ULK4: variants seen among roughly 807,000 people sequenced by gnomAD.
ULK4 encodes the protein inactive serine/threonine-protein kinase ULK4.
In ULK4, 133 loss-of-function variants were observed where a neutral mutation model predicts 160.6. The observed-to-expected ratio is 0.83, with a 90% CI of 0.72 to 0.96. The LOEUF (loss-of-function observed/expected upper bound fraction) is 0.96. ULK4 is among the 40% of genes least tolerant of loss of function. ULK4 has a pLI of 0.00. For synonymous variants in ULK4, 534 were observed against 539.8 expected, an observed-to-expected ratio of 0.99 and a Z score of 0.15; for missense variants, 1,580 against 1,499.5, an observed-to-expected ratio of 1.05 and a Z score of -0.89.
chr3:41,621,226 G>A (rs1227829090), intron 30 of ULK4, among the ~76,000 whole-genome samples: 1 of 152,060 alleles, frequency 6.6e-6, no homozygotes, highest in East Asian at 1.9e-4. Flanking sequence ...TTCCTATCAA[G>A]CTACCATTGA....
chr3:41,454,539 CAA>C (rs11286615), intron 34 of ULK4, among the ~76,000 whole-genome samples: 75 of 90,926 alleles, frequency 8.2e-4, no homozygotes, highest in African/African-American at 1.5e-3. Context: ...GACTTCATCT[CAA>C]AAAAAAAAAA....
chr3:41,486,630 T>C (rs927854316), intron 32 of ULK4, among the ~76,000 whole-genome samples: 1 of 151,940 alleles, frequency 6.6e-6, no homozygotes, highest in Non-Finnish European at 1.5e-5. Flanking sequence ...TTGGGGAGCA[T>C]TTTTTTTATT....
intron 32 of ULK4, among the ~76,000 whole-genome samples, chr3:41,542,167 T>C (rs1421318628): frequency 6.6e-6 from 1 of 152,198 alleles, no homozygotes; most frequent in Non-Finnish European, 1.5e-5. Context: ...CATAAACAGC[T>C]GTTATTATTT....
In ULK4 at chr3:41,644,936, C is replaced by T. The variant is rs543865245; in HGVS notation, c.3071+18671G>A. 2.2e-3 allele frequency among the ~76,000 whole-genome samples: 340 copies of T among 151,804 alleles called. 1 individual carries two copies. The highest frequency in any genetic ancestry group is 9.6e-3 in the South Asian group (46 of 4,780). On this transcript the variant is annotated intron_variant, in intron 30 of 36. Coordinates refer to ENST00000301831, the MANE Select transcript of ULK4 (RefSeq NM_017886.4). ...TTTAGTCTTGGGAGGGTGTATGTGT[C>T]GAGGAATTTATCCATTTCTTCTAGA... is the stretch of plus-strand genomic sequence containing the variant.
chr3:41,744,769 C>A (rs552464295), intron 22 of ULK4, among the ~76,000 whole-genome samples: 7 of 151,912 alleles, frequency 4.6e-5, no homozygotes, highest in Non-Finnish European at 7.4e-5. Flanking sequence ...ACATGCTTTT[C>A]AAGCGCCCTG....
intron 30 of ULK4, among the ~76,000 whole-genome samples, chr3:41,661,387 ATG>A (rs2035154072): frequency 1.3e-5 from 2 of 151,970 alleles, no homozygotes; most frequent in Non-Finnish European, 2.9e-5. Context: ...TTCAGTATTT[ATG>A]TGTGTGTGTG....
At chr3:41,877,206 C>T (rs1438158974) in intron 17 of ULK4, among the ~76,000 whole-genome samples, 5 of 151,934 alleles carry the variant, frequency 3.3e-5, no homozygotes, top group Non-Finnish European at 7.4e-5. Context: ...TGGGTTATAT[C>T]CCAAGGGAAA....
At chr3:41,493,800 C>A (rs1347864096) in intron 32 of ULK4, among the ~76,000 whole-genome samples, 1 of 147,560 alleles carries the variant, frequency 6.8e-6, no homozygotes, top group Non-Finnish European at 1.5e-5. Flanking sequence ...ACTACAAACA[C>A]CTCTACACAA....
At position 41,520,221 on chromosome 3, in the gene ULK4, T is replaced by TC. The variant is rs1432655772; in HGVS notation, c.3226+45803dup. ...CTAAACTGTACCTCCCCATTCTCCC[T>TC]CCCCCCAGCCCCTGGTAACCCCTGT... On this transcript the variant is annotated intron_variant, in intron 32 of 36. Coordinates refer to ENST00000301831, the MANE Select transcript of ULK4 (RefSeq NM_017886.4). 4.0e-5 allele frequency among the ~76,000 whole-genome samples: 6 copies of TC among 151,122 alleles called. 1 individual carries two copies. Among genetic ancestry groups the TC allele is most frequent in the African/African-American group, 1.5e-4 (6 of 41,130 alleles).
At chr3:41,880,712 C>A (rs1489507038) in intron 17 of ULK4, among the ~76,000 whole-genome samples, 9 of 152,052 alleles carry the variant, frequency 5.9e-5, no homozygotes, top group South Asian at 2.1e-4. Context: ...TCACTTGAGG[C>A]CAGGAGTTCA....
intron 17 of ULK4, among the ~76,000 whole-genome samples, chr3:41,856,238 C>T (rs1301967488): frequency 6.6e-6 from 1 of 151,806 alleles, no homozygotes; most frequent in Non-Finnish European, 1.5e-5. Context: ...ATTTGCCTCT[C>T]CTACTGTCCA....
intron 21 of ULK4, among the ~76,000 whole-genome samples, chr3:41,776,149 TATAGA>T (rs768675662): frequency 5.3e-5 from 8 of 151,072 alleles, no homozygotes; most frequent in Non-Finnish European, 1.0e-4. Context: ...ATCTGAAGAT[TATAGA>T]ATAGTCATTT....
At chr3:41,593,540 G>T (rs545223548) in intron 31 of ULK4, among the ~76,000 whole-genome samples, 1 of 152,072 alleles carries the variant, frequency 6.6e-6, no homozygotes, top group Non-Finnish European at 1.5e-5. Context: ...AGAGATGACC[G>T]GTCTATAGTT....
chr3:41,556,806 T>A (rs1313600611), intron 32 of ULK4, among the ~76,000 whole-genome samples: 1 of 151,856 alleles, frequency 6.6e-6, no homozygotes, highest in Non-Finnish European at 1.5e-5. Flanking sequence ...AAGGAGTAGA[T>A]AATTCCAATG....
chr3:41,886,012 A>G (rs1318425370), intron 16 of ULK4, among the ~76,000 whole-genome samples: 1 of 152,088 alleles, frequency 6.6e-6, no homozygotes, highest in Non-Finnish European at 1.5e-5. Flanking sequence ...CCCACAGCTG[A>G]GGGTGAGGGA....
chr3:41,427,781 T>G (rs1029423776), intron 34 of ULK4, among the ~76,000 whole-genome samples: 1 of 152,024 alleles, frequency 6.6e-6, no homozygotes, highest in African/African-American at 2.4e-5. Context: ...CAAAATAATA[T>G]GAGCCATTTA....
intron 35 of ULK4, among the ~76,000 whole-genome samples, chr3:41,265,385 G>T (rs540388881): frequency 6.6e-6 from 1 of 152,222 alleles, no homozygotes; most frequent in Non-Finnish European, 1.5e-5. Context: ...AGCTGGTAGG[G>T]CCACGCAAAC....
At chr3:41,849,328 C>G (rs990767988) in intron 17 of ULK4, among the ~76,000 whole-genome samples, 1 of 152,124 alleles carries the variant, frequency 6.6e-6, no homozygotes, top group African/African-American at 2.4e-5. Context: ...TGTATAGCAG[C>G]TAAGATCTGT....
At chr3:41,858,149 T>G (rs994006847) in intron 17 of ULK4, among the ~76,000 whole-genome samples, 6 of 81,008 alleles carry the variant, frequency 7.4e-5, no homozygotes, top group African/African-American at 4.1e-4. Flanking sequence ...TTTTGTTTGT[T>G]TTTTTTTTTT....
Sources: allele counts gnomAD v4.1 joint callset (sites outside exome capture counted in the v4.1 genomes callset), GRCh38; gene constraint gnomAD v4.1.1; transcripts MANE v1.5; gene names NCBI Gene and HGNC (gene_info 2026-07-23, HGNC 2026-07-21).